The following CHD2 variants were observed in gnomAD, a reference collection of about 807,000 sequenced individuals.
CHD2 encodes chromodomain helicase DNA binding protein 2.
A neutral mutation model predicts 243.9 loss-of-function variants in CHD2; 28 were observed. The ratio of observed to expected loss-of-function variants is 0.11; its 90% CI spans 0.09 to 0.16. The LOEUF is 0.16. Ranked by LOEUF, CHD2 falls within the 10% of genes least tolerant of loss-of-function variation. The pLI is 1.00. For synonymous variants in CHD2, 775 were observed against 779.0 expected (o/e 0.99, Z 0.09); for missense variants, 1,386 against 2,209.8 (o/e 0.63, Z 7.47).
chr15:92,955,398 T>C, intron 14 of CHD2, 25 bp from the exon 15 acceptor site: 2 of 1,432,098 alleles, frequency 1.4e-6, no homozygotes, highest in South Asian at 1.3e-5. Context: ...AGAAATTATG[T>C]CTTAATTATG....
intron 16 of CHD2, among the ~76,000 whole-genome samples, chr15:92,958,276 C>T (rs2053642229): frequency 6.6e-6 from 1 of 152,178 alleles, no homozygotes; most frequent in Non-Finnish European, 1.5e-5. Flanking sequence ...GGTGCATTGT[C>T]AGTCTTTTTG....
intron 18 of CHD2, 108 bp downstream of exon 18, chr15:92,972,035 A>G (rs2053848306): frequency 8.0e-7 from 1 of 1,250,740 alleles, no homozygotes; most frequent in Non-Finnish European, 1.1e-6. Flanking sequence ...AGGATCATCA[A>G]AGGAAGCTTT....
rs72647787 is a variant in CHD2 at position 92,927,443 on chromosome 15, A to G, written c.381+113A>G. On this transcript the variant is annotated intron_variant, in intron 4 of 38. Coordinates refer to ENST00000394196, the MANE Select transcript of CHD2 (RefSeq NM_001271.4). ...GACTGAACTTCAGGCATGAGGGTTA[A>G]GTGACTCTAATATGAGCTATCTATG... The G allele has an allele frequency of 6.5e-5, 46 of 708,988 alleles. No individual in the cohort carries two copies. Among genetic ancestry groups the G allele is most frequent in the Non-Finnish European group, 1.0e-4 (41 of 409,970 alleles). 43.9% of individuals were successfully genotyped at this position (708,988 alleles called of 1,614,324 possible).
At chr15:92,919,346 C>G (rs1040110015) in intron 2 of CHD2, among the ~76,000 whole-genome samples, 2 of 151,158 alleles carry the variant, frequency 1.3e-5, no homozygotes, top group African/African-American at 4.9e-5. Context: ...CTCATTAGTA[C>G]TTGTATTCAG....
chr15:92,973,815 C>G (rs541463314), intron 19 of CHD2, among the ~76,000 whole-genome samples: 2 of 152,182 alleles, frequency 1.3e-5, no homozygotes, highest in Non-Finnish European at 2.9e-5. Context: ...TTAATGCCCT[C>G]TACTAATGGG....
At chr15:93,006,489 G>T (rs911750713) in intron 34 of CHD2, among the ~76,000 whole-genome samples, 1 of 152,146 alleles carries the variant, frequency 6.6e-6, no homozygotes, top group Non-Finnish European at 1.5e-5. Flanking sequence ...TACTTAACGT[G>T]TGGTTCTAGA....
chr15:93,009,926 G>T (rs893498431), intron 35 of CHD2, among the ~76,000 whole-genome samples: 1 of 152,176 alleles, frequency 6.6e-6, no homozygotes, highest in South Asian at 2.1e-4. Context: ...GTGGTGTTTG[G>T]TGACATGGAT....
Position 92,900,361 on chromosome 15 carries a change from TAGAG to T in CHD2, c.-530_-527del, listed in dbSNP as rs962894572. ...GAGGCTCTAGATGGCGGCTGTGCCT[TAGAG>T]AGAGCGCGCTCTGCTCCCTGCCTTT... On this transcript the variant is annotated 5_prime_UTR_variant, in exon 1 of 39. Coordinates refer to ENST00000394196, the MANE Select transcript of CHD2 (RefSeq NM_001271.4). 14 of 389,648 alleles carry T rather than the reference TAGAG, an allele frequency of 3.6e-5. No individual in the cohort carries two copies. The highest frequency in any genetic ancestry group is 8.9e-5 in the Admixed American group (2 of 22,474). The allele number at this position is 389,648 out of a possible 1,614,324, so 24.1% of individuals were successfully genotyped here.
chr15:92,990,173 C>T (rs1157070438), intron 26 of CHD2, among the ~76,000 whole-genome samples: 5 of 152,152 alleles, frequency 3.3e-5, no homozygotes. Context: ...TAGCCAGGTC[C>T]AGTCATTCTG....
chr15:92,969,345 C>G (rs955617975), intron 17 of CHD2, among the ~76,000 whole-genome samples: 1 of 152,232 alleles, frequency 6.6e-6, no homozygotes, highest in African/African-American at 2.4e-5. Context: ...GGGCCACCAG[C>G]GTTCCCCGCA....
chr15:92,971,233 A>G (rs908043073), intron 17 of CHD2, among the ~76,000 whole-genome samples: 1 of 152,206 alleles, frequency 6.6e-6, no homozygotes, highest in Non-Finnish European at 1.5e-5. Flanking sequence ...TATTTGCTTT[A>G]TACTTACTAG....
At chr15:92,904,451 G>C (rs2052580643) in intron 2 of CHD2, 10 of 988,774 alleles carry the variant, frequency 1.0e-5, no homozygotes, top group Non-Finnish European at 1.2e-5. Flanking sequence ...CGCATGTCGG[G>C]CGCTTTCTCC....
chr15:93,013,268 T>G (rs190865117), intron 36 of CHD2, among the ~76,000 whole-genome samples: 2 of 151,242 alleles, frequency 1.3e-5, no homozygotes, highest in East Asian at 4.1e-4. Flanking sequence ...AATCATATAC[T>G]AATAAGCATT....
rs1186328963 is a variant in CHD2, at chr15:92,900,584, G to GCTT, written c.-311_-309dup. ...AGAGCCCAGGTCGTTGTTTTTTCCA[G>GCTT]CTTAGAAGCCATGGCGCACCTCCAT... On this transcript the variant is annotated 5_prime_UTR_variant, in exon 1 of 39. Transcript: ENST00000394196. 2.3e-5 allele frequency: 9 copies of GCTT among 398,420 alleles called. No homozygotes were observed. Among genetic ancestry groups the GCTT allele is most frequent in the Non-Finnish European group, 4.0e-5 (9 of 226,066 alleles). The allele number at this position is 398,420 out of a possible 1,614,324, so 24.7% of individuals were successfully genotyped here. A position where few individuals can be genotyped will look rare whatever the true frequency, so the allele number is the denominator to read the frequency against.
intron 33 of CHD2, among the ~76,000 whole-genome samples, chr15:93,002,747 A>G (rs777312037): frequency 1.3e-5 from 2 of 152,252 alleles, no homozygotes; most frequent in African/African-American, 4.8e-5. Context: ...AAGCCTTGCT[A>G]TTATAACCTT....
rs987147785 is a variant in CHD2 at position 92,991,657 on chromosome 15, T to G, written c.3455+140T>G. On this transcript the variant is annotated intron_variant, in intron 27 of 38. Transcript: ENST00000394196. ...GGAAACATTTATTTACAAACATTTA[T>G]ATATTGGGTGCCTGTTCATTCATGT... is the stretch of plus-strand genomic sequence containing the variant. 7.2e-6 allele frequency: 4 copies of G among 552,998 alleles called. No homozygotes were observed. The African/African-American group carries it at 7.9e-5, about 11-fold the overall frequency. The allele number at this position is 552,998 out of a possible 1,614,324, so 34.3% of individuals were successfully genotyped here.
intron 24 of CHD2, 49 bp downstream of exon 24, chr15:92,981,506 A>C: frequency 2.9e-6 from 4 of 1,393,904 alleles, no homozygotes; most frequent in Non-Finnish European, 4.1e-6. Flanking sequence ...TTCATTAATG[A>C]TGACTAATGT....
intron 3 of CHD2, among the ~76,000 whole-genome samples, chr15:92,925,405 A>G (rs1474533250): frequency 1.3e-5 from 2 of 152,230 alleles, no homozygotes; most frequent in Non-Finnish European, 2.9e-5. Context: ...AGGACAAATA[A>G]GAACACAAGA....
chr15:92,901,013 TTTTTC>T (rs1047015711), intron 1 of CHD2, among the ~76,000 whole-genome samples, 149 bp from the exon 2 acceptor site: 2 of 151,250 alleles, frequency 1.3e-5, no homozygotes, highest in African/African-American at 4.9e-5. Flanking sequence ...ATCCTGTTGT[TTTTTC>T]TTTTAAGGAA....
Sources: gnomAD v4.1 joint callset for allele counts (sites outside exome capture counted in the v4.1 genomes callset) on GRCh38, gnomAD v4.1.1 for gene constraint, MANE v1.5 for transcripts, NCBI Gene and HGNC (gene_info 2026-07-23, HGNC 2026-07-21) for gene names.